TC2N: variants seen among roughly 807,000 people sequenced by gnomAD.
TC2N encodes the protein tandem C2 domains nuclear protein.
Under a neutral mutation model 61.9 loss-of-function variants are expected in TC2N, and 51 were observed. The ratio of observed to expected loss-of-function variants is 0.82; its 90% CI spans 0.66 to 1.04. The LOEUF (loss-of-function observed/expected upper bound fraction) is 1.04. TC2N is among the 50% of genes least tolerant of loss of function. The probability of loss-of-function intolerance (pLI) is 0.00; values close to 1 mark genes in which losing one functional copy is unlikely to be tolerated. For missense variants in TC2N, 556 were observed against 566.7 expected (o/e 0.98, Z 0.19); for synonymous variants, 204 against 192.6 (o/e 1.06, Z -0.49).
chr14:91,799,036 C>T lies in TC2N; in HGVS notation c.590G>A (p.Ser197Asn). The T allele has an allele frequency of 6.3e-7, 1 of 1,587,304 alleles. No individual in the cohort carries two copies. The highest frequency in any genetic ancestry group is 8.5e-7 in the Non-Finnish European group (1 of 1,170,768). Residue 197 changes from serine to asparagine, a missense_variant, in exon 6 of 12, where the codon AGT (serine) becomes AAT (asparagine). Ser to Asn is a conservative substitution (Grantham distance 46). Transcript: ENST00000435962. ...QRHDSLSSVPSSSSSRKNSQG... is the reference protein window; with the variant it reads ...QRHDSLSSVPNSSSSRKNSQG... ...AGAATTTTTCCTTGAAGAAGAACTACTGGGTACACTGGACAATGAATCATG... is the reference window on the plus strand; with the variant it reads ...AGAATTTTTCCTTGAAGAAGAACTATTGGGTACACTGGACAATGAATCATG...
At chr14:91,849,230 G>A (rs147664246) in intron 1 of TC2N, among the ~76,000 whole-genome samples, 1 of 152,162 alleles carries the variant, frequency 6.6e-6, no homozygotes, top group East Asian at 1.9e-4. Context: ...CACTTCCCCA[G>A]TAAGAGTTGA....
rs1202723931 is a variant in TC2N, at chr14:91,782,708, A to C, written c.*392T>G. 1 of 156,706 alleles carries C rather than the reference A, an allele frequency of 6.4e-6. No individual in the cohort carries two copies. Among genetic ancestry groups the C allele is most frequent in the Non-Finnish European group, 1.4e-5 (1 of 71,416 alleles). The allele number at this position is 156,706 out of a possible 1,614,324, so 9.7% of individuals were successfully genotyped here. A position where few individuals can be genotyped will look rare whatever the true frequency, so the allele number is the denominator to read the frequency against. ...CACTGAAATAATGGTAAAGTCTTCT[A>C]AATGCCAATAGTACTAACAGAGACT... On this transcript the variant is annotated 3_prime_UTR_variant, in exon 12 of 12. Coordinates refer to ENST00000435962, the MANE Select transcript of TC2N (RefSeq NM_001128596.3).
At chr14:91,789,583 C>A (rs1885543090) in intron 9 of TC2N, among the ~76,000 whole-genome samples, 1 of 150,570 alleles carries the variant, frequency 6.6e-6, no homozygotes, top group African/African-American at 2.5e-5. Context: ...TGCACTCCAG[C>A]CTGGGCGACA....
chr14:91,809,989 T>C (rs1306816118), intron 3 of TC2N, among the ~76,000 whole-genome samples: 1 of 152,156 alleles, frequency 6.6e-6, no homozygotes, highest in Non-Finnish European at 1.5e-5. Flanking sequence ...GGGTAATTTA[T>C]AAAGAAAAGC....
rs1183316957 is a variant in TC2N, at chr14:91,782,741, C to T, written c.*359G>A. On this transcript the variant is annotated 3_prime_UTR_variant, in exon 12 of 12. Coordinates refer to ENST00000435962, the MANE Select transcript of TC2N (RefSeq NM_001128596.3). ...ATAGTACTAACAGAGACTTGATATA[C>T]CAGGTTTTGAATATCTAAGTAAAGC... The T allele has an allele frequency of 5.7e-6, 1 of 175,656 alleles. No homozygotes were observed. Among genetic ancestry groups the T allele is most frequent in the Non-Finnish European group, 1.2e-5 (1 of 84,220 alleles). 10.9% of individuals were successfully genotyped at this position (175,656 alleles called of 1,614,324 possible).
At chr14:91,842,757 T>A (rs1274447403) in intron 1 of TC2N, among the ~76,000 whole-genome samples, 1 of 152,156 alleles carries the variant, frequency 6.6e-6, no homozygotes, top group Non-Finnish European at 1.5e-5. Context: ...ATAGCTACCA[T>A]CAATACCACA....
rs547049785 is a variant in TC2N, at chr14:91,849,224, TC to T, written c.-57+18037del. ...TGCTGTGATTTCCCACTATTTCACT[TC>T]CCCAGTAAGAGTTGATTGGTTCATG... On this transcript the variant is annotated intron_variant, in intron 1 of 11. Transcript: ENST00000435962. Among the ~76,000 whole-genome samples, 414 of 152,210 alleles carry T rather than the reference TC, an allele frequency of 2.7e-3. 1 individual carries two copies. Among genetic ancestry groups the T allele is most frequent in the South Asian group, 6.2e-3 (30 of 4,824 alleles).
rs2139815602 is a variant in TC2N at position 91,782,628 on chromosome 14, A to G, written c.*472T>C. The G allele has an allele frequency of 6.6e-6, 1 of 152,294 alleles. No individual in the cohort carries two copies. The highest frequency in any genetic ancestry group is 1.9e-4 in the East Asian group (1 of 5,180). 9.4% of individuals were successfully genotyped at this position (152,294 alleles called of 1,614,324 possible). On this transcript the variant is annotated 3_prime_UTR_variant, in exon 12 of 12. Transcript: ENST00000435962. The stretch of plus-strand genomic sequence containing the variant: ...TGGTTCAATTCATTTTTACCGGGAG[A>G]AAATACATAGCAAGAGGTAAACAGT...
intron 1 of TC2N, among the ~76,000 whole-genome samples, chr14:91,861,608 G>C (rs1283424386): frequency 6.6e-6 from 1 of 152,204 alleles, no homozygotes; most frequent in Non-Finnish European, 1.5e-5. Context: ...GGGAAGCAAA[G>C]GGGTCACCAG....
intron 1 of TC2N, among the ~76,000 whole-genome samples, chr14:91,842,625 C>G (rs1888184290): frequency 6.6e-6 from 1 of 152,200 alleles, no homozygotes; most frequent in Non-Finnish European, 1.5e-5. Context: ...TGCCAAAACA[C>G]TATGCCCTGA....
At chr14:91,786,569 C>A (rs1046915240) in intron 10 of TC2N, among the ~76,000 whole-genome samples, 1 of 152,032 alleles carries the variant, frequency 6.6e-6, no homozygotes, top group Non-Finnish European at 1.5e-5. Context: ...GATTTTCTTC[C>A]TCTTCTTAAG....
At chr14:91,849,883 A>G (rs1291137690) in intron 1 of TC2N, among the ~76,000 whole-genome samples, 1 of 152,094 alleles carries the variant, frequency 6.6e-6, no homozygotes, top group Non-Finnish European at 1.5e-5. Flanking sequence ...CCCTGTCTCT[A>G]CTAAAAGTAC....
intron 3 of TC2N, among the ~76,000 whole-genome samples, chr14:91,804,773 G>C (rs992718185): frequency 6.6e-6 from 1 of 152,114 alleles, no homozygotes; most frequent in Non-Finnish European, 1.5e-5. Context: ...AGTCATGATT[G>C]TAACAATGGT....
rs1363840484 is a variant in TC2N, at chr14:91,812,538, C to G, written c.75G>C (p.Val25=). The G allele has an allele frequency of 1.9e-6, 3 of 1,548,952 alleles. No individual in the cohort carries two copies. Among genetic ancestry groups the G allele is most frequent in the Non-Finnish European group, 2.7e-6 (3 of 1,130,158 alleles). Reference sequence around the variant, plus strand: ...GGACTGCTGCTTTAAAATCTCTTTCCACAGAAACTGCATATAAAAGAAAAA... The same window carrying G: ...GGACTGCTGCTTTAAAATCTCTTTCGACAGAAACTGCATATAAAAGAAAAA... The part of the protein sequence containing the change: ...YGETEKHNFS[V]ERDFKAAVPN... The change falls in exon 3 of 12, where the codon GTG becomes GTC. Residue 25 remains valine (V), a synonymous_variant. Coordinates refer to ENST00000435962, the MANE Select transcript of TC2N (RefSeq NM_001128596.3).
At chr14:91,841,333 T>C (rs1273633833) in intron 1 of TC2N, among the ~76,000 whole-genome samples, 1 of 152,204 alleles carries the variant, frequency 6.6e-6, no homozygotes, top group East Asian at 1.9e-4. Context: ...GACCCTGCAT[T>C]CTTCTGGACC....
At chr14:91,854,762 A>G (rs1195135371) in intron 1 of TC2N, among the ~76,000 whole-genome samples, 4 of 152,050 alleles carry the variant, frequency 2.6e-5, no homozygotes, top group Non-Finnish European at 4.4e-5. Flanking sequence ...GTCCCTCTCC[A>G]CTTCCACAAT....
chr14:91,822,136 G>A (rs541428263), intron 1 of TC2N, among the ~76,000 whole-genome samples: 38 of 152,270 alleles, frequency 2.5e-4, no homozygotes, highest in African/African-American at 9.1e-4. Flanking sequence ...ATCCAGACAT[G>A]CCATTACTAC....
intron 1 of TC2N, among the ~76,000 whole-genome samples, chr14:91,863,302 C>T (rs1029461970): frequency 6.6e-6 from 1 of 152,156 alleles, no homozygotes; most frequent in Admixed American, 6.5e-5. Context: ...TAAGGCCAAA[C>T]GTTCATACCA....
chr14:91,799,597 T>C (rs1275647539), intron 5 of TC2N, among the ~76,000 whole-genome samples: 1 of 152,028 alleles, frequency 6.6e-6, no homozygotes, highest in East Asian at 1.9e-4. Context: ...ACTGCTGCTA[T>C]AAAAAAATTA....
Sources: gnomAD v4.1 joint callset for allele counts (sites outside exome capture counted in the v4.1 genomes callset) on GRCh38, gnomAD v4.1.1 for gene constraint, MANE v1.5 for transcripts, NCBI Gene and HGNC (gene_info 2026-07-23, HGNC 2026-07-21) for gene names.